The following DNM3 variants were observed in gnomAD, a reference collection of about 807,000 sequenced individuals.
DNM3 encodes dynamin-3.
In DNM3, 47 loss-of-function variants were observed where a neutral mutation model predicts 101.6. The observed-to-expected ratio is 0.46, with a 90% CI of 0.37 to 0.59. DNM3 has a LOEUF of 0.59. Ranked by LOEUF, DNM3 falls within the 20% of genes least tolerant of loss-of-function variation. The pLI is 0.00. For missense variants in DNM3, 849 were observed against 1,085.7 expected (o/e 0.78, Z 3.06); for synonymous variants, 385 against 387.9 (o/e 0.99, Z 0.09).
At chr1:171,871,189 T>A (rs1558190922) in intron 1 of DNM3, among the ~76,000 whole-genome samples, 1 of 152,210 alleles carries the variant, frequency 6.6e-6, no homozygotes, top group Non-Finnish European at 1.5e-5. Flanking sequence ...TGTGCAATTA[T>A]GTATGTGCTC....
intron 10 of DNM3, among the ~76,000 whole-genome samples, chr1:172,057,647 G>C (rs572402347): frequency 8.8e-4 from 134 of 151,676 alleles, no homozygotes; most frequent in Admixed American, 3.1e-3. Flanking sequence ...CAAATGCTGA[G>C]AGATTTTGTC....
At chr1:172,089,302 T>A (rs1318211004) in intron 12 of DNM3, among the ~76,000 whole-genome samples, 1 of 152,176 alleles carries the variant, frequency 6.6e-6, no homozygotes, top group Non-Finnish European at 1.5e-5. Flanking sequence ...TGCTACGGAG[T>A]TCGTGCCCTA....
chr1:172,348,591 G>A (rs2067054487), intron 17 of DNM3, among the ~76,000 whole-genome samples: 1 of 151,986 alleles, frequency 6.6e-6, no homozygotes, highest in South Asian at 2.1e-4. Context: ...AGTATTTTGT[G>A]TACTGAAATA....
At chr1:172,396,023 T>C (rs1265422885) in intron 20 of DNM3, among the ~76,000 whole-genome samples, 3 of 152,232 alleles carry the variant, frequency 2.0e-5, no homozygotes, top group African/African-American at 4.8e-5. Context: ...CTAAAGCCGC[T>C]AGGTATTTGC....
intron 2 of DNM3, among the ~76,000 whole-genome samples, chr1:171,977,425 A>C (rs1213993463): frequency 6.6e-6 from 1 of 152,246 alleles, no homozygotes; most frequent in African/African-American, 2.4e-5. Context: ...GACAACTGTA[A>C]ACTTGATAGC....
At chr1:172,133,089 C>T in intron 14 of DNM3, 2 of 1,439,348 alleles carry the variant, frequency 1.4e-6, no homozygotes, top group Non-Finnish European at 1.8e-6. Context: ...TTCCAGGCAT[C>T]TCAGCATTGA....
intron 1 of DNM3, among the ~76,000 whole-genome samples, chr1:171,885,966 C>T (rs750920159): frequency 2.6e-5 from 4 of 152,066 alleles, no homozygotes; most frequent in Non-Finnish European, 4.4e-5. Context: ...GAGATGTTGA[C>T]GGGCCTTAGG....
At chr1:172,192,619 G>A (rs1188184626) in intron 14 of DNM3, among the ~76,000 whole-genome samples, 2 of 148,036 alleles carry the variant, frequency 1.4e-5, no homozygotes, top group Non-Finnish European at 3.0e-5. Context: ...GAGTGAGAAT[G>A]TGCAGTGTTT....
At chr1:172,407,660 T>G (rs940762209) in intron 20 of DNM3, 112 bp from the exon 21 acceptor site, 6 of 1,014,486 alleles carry the variant, frequency 5.9e-6, no homozygotes, top group Non-Finnish European at 1.5e-6. Context: ...CCACTTCTGC[T>G]GGCCTGTATG....
At chr1:172,413,473 C>T (rs945613935), downstream of DNM3, among the ~76,000 whole-genome samples, 10 of 152,150 alleles carry the variant, frequency 6.6e-5, no homozygotes, top group African/African-American at 2.4e-4. Flanking sequence ...GTGATCTGCC[C>T]GCCTCGGCTT....
chr1:171,912,578 A>C (rs538643528), intron 1 of DNM3, among the ~76,000 whole-genome samples: 1 of 152,268 alleles, frequency 6.6e-6, no homozygotes, highest in Admixed American at 6.5e-5. Flanking sequence ...TTGCAGCTCC[A>C]CTATCATATA....
intron 10 of DNM3, among the ~76,000 whole-genome samples, chr1:172,052,880 A>T (rs1280838644): frequency 6.6e-6 from 1 of 152,160 alleles, no homozygotes; most frequent in East Asian, 1.9e-4. Flanking sequence ...CCTCTAGCTC[A>T]AGCCTCTTTA....
intron 17 of DNM3, chr1:172,339,093 T>C (rs780396224): frequency 2.1e-6 from 1 of 482,920 alleles, no homozygotes; most frequent in Non-Finnish European, 4.1e-6. Flanking sequence ...GGGGGGAACA[T>C]CTCACTGTGA....
intron 1 of DNM3, 51 bp downstream of exon 1, chr1:171,841,868 G>A: frequency 6.4e-7 from 1 of 1,563,774 alleles, no homozygotes; most frequent in Non-Finnish European, 8.6e-7. Context: ...CGACCCCGCT[G>A]CGGGCCGTTG....
chr1:171,863,189 A>G (rs2034361906), intron 1 of DNM3, among the ~76,000 whole-genome samples: 1 of 152,162 alleles, frequency 6.6e-6, no homozygotes, highest in African/African-American at 2.4e-5. Flanking sequence ...GAAGATATAG[A>G]TGACAAAGTA....
At chr1:172,030,543 G>C (rs770484326) in intron 4 of DNM3, among the ~76,000 whole-genome samples, 4 of 152,130 alleles carry the variant, frequency 2.6e-5, no homozygotes, top group African/African-American at 4.8e-5. Flanking sequence ...AGCCAAAATT[G>C]ACAAATGGGA....
rs1270560218 is a variant in DNM3 at position 172,048,618 on chromosome 1, G to T, written c.1203G>T (p.Gly401=). The T allele has an allele frequency of 1.2e-6, 2 of 1,612,776 alleles. No homozygotes were observed. The highest frequency in any genetic ancestry group is 1.7e-6 in the Non-Finnish European group (2 of 1,179,412). ...CTTGCTTTCTTACCTTCAGGACAGG[G>T]TTGTTTACTCCAGACATGGCATTTG... ...AIKNIHGIRT[G]LFTPDMAFEA... The change falls in exon 10 of 21, where the codon GGG becomes GGT. Residue 401 remains glycine (G), a synonymous_variant. Transcript: ENST00000627582.
chr1:172,159,178 A>G (rs1010722294), intron 14 of DNM3, among the ~76,000 whole-genome samples: 2 of 152,072 alleles, frequency 1.3e-5, no homozygotes, highest in African/African-American at 2.4e-5. Flanking sequence ...CTTAATGCCA[A>G]GCTATGCAAA....
chr1:172,315,076 G>A (rs951923897), intron 16 of DNM3, among the ~76,000 whole-genome samples: 33 of 152,070 alleles, frequency 2.2e-4, no homozygotes, highest in African/African-American at 6.5e-4. Flanking sequence ...CAGCATTCGC[G>A]GTTCATGAAA....
Sources: gnomAD v4.1 joint callset for allele counts (sites outside exome capture counted in the v4.1 genomes callset) on GRCh38, gnomAD v4.1.1 for gene constraint, MANE v1.5 for transcripts, NCBI Gene and HGNC (gene_info 2026-07-23, HGNC 2026-07-21) for gene names.